COL3A1: variants seen among roughly 807,000 people sequenced by gnomAD.
COL3A1 encodes collagen type III alpha 1 chain.
Under a neutral mutation model 200.9 loss-of-function variants are expected in COL3A1, and 46 were observed. That is an observed-to-expected ratio of 0.23 (90% CI 0.18 to 0.29). The LOEUF is 0.29. Among genes scored for constraint, COL3A1 ranks in the 10% least tolerant of loss-of-function variants. The pLI is 1.00. For missense variants in COL3A1, 1,367 were observed against 1,917.6 expected (o/e 0.71, Z 5.36); for synonymous variants, 650 against 628.0 (o/e 1.03, Z -0.52).
chr2:188,980,943 C>G (rs549137992), intron 1 of COL3A1, among the ~76,000 whole-genome samples: 16 of 151,280 alleles, frequency 1.1e-4, no homozygotes, highest in Non-Finnish European at 2.2e-4. Context: ...TCAGATTATA[C>G]AACATCTTTT....
At chr2:188,996,073 A>G in intron 22 of COL3A1, 52 bp from the exon 23 acceptor site, 1 of 1,533,162 alleles carries the variant, frequency 6.5e-7, no homozygotes, top group Non-Finnish European at 9.0e-7. Context: ...GTATGTAGTA[A>G]TTTTTTATTA....
intron 10 of COL3A1, among the ~76,000 whole-genome samples, chr2:188,990,753 C>T (rs1488824842): frequency 6.6e-6 from 1 of 152,102 alleles, no homozygotes; most frequent in Non-Finnish European, 1.5e-5. Flanking sequence ...ATCTATGAAA[C>T]TCATGTTTGC....
Position 188,999,880 on chromosome 2 carries a change from G to A in COL3A1, c.2268G>A (p.Gly756=), listed in dbSNP as rs773496806. The change falls in exon 32 of 51, where the codon GGG becomes GGA. Residue 756 remains glycine (G), a synonymous_variant. Coordinates refer to ENST00000304636, the MANE Select transcript of COL3A1 (RefSeq NM_000090.4). ...PGGPGADGVP[G]KDGPRGPTGP... is the part of the protein sequence containing the mutation. ...GTCCAGGTGCTGATGGTGTCCCAGGGAAAGATGGCCCAAGGGTGAGTATTC... is the reference window on the plus strand; with the variant it reads ...GTCCAGGTGCTGATGGTGTCCCAGGAAAAGATGGCCCAAGGGTGAGTATTC... The A allele has an allele frequency of 6.3e-7, 1 of 1,593,068 alleles. No individual in the cohort carries two copies. The highest frequency in any genetic ancestry group is 8.5e-7 in the Non-Finnish European group (1 of 1,170,826).
intron 12 of COL3A1, 21 bp downstream of exon 12, chr2:188,991,552 T>C: frequency 3.7e-6 from 6 of 1,612,030 alleles, no homozygotes; most frequent in Non-Finnish European, 5.1e-6. Flanking sequence ...TTCTTATGTA[T>C]AATTTTCAGT....
chr2:189,001,195 G>T (rs1291917559), intron 32 of COL3A1, among the ~76,000 whole-genome samples: 4 of 152,050 alleles, frequency 2.6e-5, no homozygotes. Context: ...TTCTCCCAGA[G>T]TTATCCCCAA....
intron 1 of COL3A1, among the ~76,000 whole-genome samples, chr2:188,980,570 G>T (rs1687931675): frequency 6.8e-6 from 1 of 147,382 alleles, no homozygotes; most frequent in African/African-American, 2.5e-5. Context: ...ATCTACAAAT[G>T]ATAATTTATC....
At chr2:188,990,644 A>C (rs1348651186) in intron 10 of COL3A1, among the ~76,000 whole-genome samples, 1 of 152,192 alleles carries the variant, frequency 6.6e-6, no homozygotes, top group African/African-American at 2.4e-5. Flanking sequence ...TATTGACTTA[A>C]TATGATTTAT....
intron 50 of COL3A1, 80 bp from the exon 51 acceptor site, chr2:189,011,548 G>T: frequency 6.5e-7 from 1 of 1,540,592 alleles, no homozygotes; most frequent in Non-Finnish European, 9.0e-7. Context: ...AGAGTAAAAA[G>T]GTTTTCTTTA....
Position 188,988,592 on chromosome 2 carries a change from A to G in COL3A1, c.585A>G (p.Gly195=). The G allele has an allele frequency of 6.3e-7, 1 of 1,599,382 alleles. No homozygotes were observed. Among genetic ancestry groups the G allele is most frequent in the Admixed American group, 1.7e-5 (1 of 59,732 alleles). The part of the protein sequence containing the change: ...PGTSGHPGSP[G]SPGYQGPPGE... ...TATTTACATATTCTACTCACTAGGG[A>G]TCTCCAGGATACCAAGGACCCCCTG... The change falls in exon 7 of 51, where the codon GGA becomes GGG. Residue 195 remains glycine (G), a splice_region_variant and synonymous_variant. Transcript: ENST00000304636.
chr2:188,992,176 C>G lies in COL3A1; in HGVS notation c.952-8C>G, dbSNP rs1688203259. 1 of 1,613,836 alleles carries G rather than the reference C, an allele frequency of 6.2e-7. No homozygotes were observed. Among genetic ancestry groups the G allele is most frequent in the Non-Finnish European group, 8.5e-7 (1 of 1,179,888 alleles). ...AAAAGGATATTTGATGTAAACTTCT[C>G]TTTTTAGGGTGCTCGGGGTAATGAC... On this transcript the variant is annotated splice_polypyrimidine_tract_variant and splice_region_variant and intron_variant, in intron 13 of 50. Coordinates refer to ENST00000304636, the MANE Select transcript of COL3A1 (RefSeq NM_000090.4).
chr2:188,985,373 CA>C (rs1268678100), intron 3 of COL3A1, 126 bp downstream of exon 3: 5 of 797,178 alleles, frequency 6.3e-6, no homozygotes, highest in Non-Finnish European at 8.6e-6. Flanking sequence ...ATAATGGCAC[CA>C]AACAACAGAC....
chr2:189,007,811 A>T (rs1022397502), intron 45 of COL3A1, 74 bp from the exon 46 acceptor site: 12 of 1,542,778 alleles, frequency 7.8e-6, no homozygotes, highest in Non-Finnish European at 1.1e-5. Flanking sequence ...ATGTTTCTTG[A>T]TCTGATCTTG....
intron 28 of COL3A1, 60 bp from the exon 29 acceptor site, chr2:188,998,614 C>T (rs1474426916): frequency 6.6e-7 from 1 of 1,507,606 alleles, no homozygotes; most frequent in Non-Finnish European, 9.2e-7. Flanking sequence ...TACATATTTG[C>T]TTATATTTAC....
chr2:188,991,393 GC>G, intron 11 of COL3A1, 93 bp from the exon 12 acceptor site: 1 of 770,146 alleles, frequency 1.3e-6, no homozygotes, highest in Non-Finnish European at 2.0e-6. Context: ...CTTTTTCTAG[GC>G]TCTATAAACT....
chr2:188,994,698 A>G lies in COL3A1; in HGVS notation c.1348-26A>G, dbSNP rs1559056401. On this transcript the variant is annotated intron_variant, in intron 19 of 50. Transcript: ENST00000304636. The surrounding 1 kb of genome is among the most constrained non-coding windows in gnomAD (Gnocchi z 4.5). ...AACTAAATTCAGTCATAATTTCTTT[A>G]TTTTACCATCTTTTTTTTTTTTCAG... 1 of 1,609,600 alleles carries G rather than the reference A, an allele frequency of 6.2e-7. No homozygotes were observed. Among genetic ancestry groups the G allele is most frequent in the African/African-American group, 1.3e-5 (1 of 74,514 alleles).
intron 41 of COL3A1, 116 bp downstream of exon 41, chr2:189,005,573 C>A: frequency 1.2e-6 from 1 of 813,968 alleles, no homozygotes; most frequent in Non-Finnish European, 2.1e-6. Context: ...CAAAGTTCTT[C>A]TATCTCTAAT....
Position 189,003,735 on chromosome 2 carries a change from G to A in COL3A1, c.2609G>A (p.Gly870Asp), listed in dbSNP as rs763816941. 1 of 1,613,882 alleles carries A rather than the reference G, an allele frequency of 6.2e-7. No homozygotes were observed. The highest frequency in any genetic ancestry group is 1.3e-5 in the African/African-American group (1 of 74,866). The change falls in exon 38 of 51, where the codon GGT (glycine) becomes GAT (aspartate). Residue 870 changes from glycine to aspartate, a missense_variant and splice_region_variant. Physicochemically the swap from Gly to Asp is moderately conservative, Grantham distance 94 (BLOSUM62 -1). Around this residue, in one of 5 missense-constraint regions of COL3A1, gnomAD observed 846 missense variants for 1,147.9 expected, o/e 0.74. Coordinates refer to ENST00000304636, the MANE Select transcript of COL3A1 (RefSeq NM_000090.4). ...KGERGSPGGPGAAGFPGARGL... is the reference protein window; with the variant it reads ...KGERGSPGGPDAAGFPGARGL... ...CAAAAATATATTACCATTTCACAGG[G>A]TGCTGCTGGCTTCCCTGGTGCTCGT...
In COL3A1 at chr2:189,011,874, A is replaced by G. The variant is rs1688737652; in HGVS notation, c.*100A>G. 4.5e-6 allele frequency: 6 copies of G among 1,333,600 alleles called. No individual in the cohort carries two copies. The South Asian group carries it at 7.4e-5, about 16-fold the overall frequency. 82.6% of individuals were successfully genotyped at this position (1,333,600 alleles called of 1,614,324 possible). On this transcript the variant is annotated 3_prime_UTR_variant, in exon 51 of 51. Transcript: ENST00000304636. ...CAGTGCAAGTGACCGACAAAATTCC[A>G]GTTATTTATTTCCAAAATGTTTGGA...
rs1688037412 is a variant in COL3A1 at position 188,985,126 on chromosome 2, T to C, written c.283-71T>C. 38 of 1,494,370 alleles carry C rather than the reference T, an allele frequency of 2.5e-5. No individual in the cohort carries two copies. In the South Asian group the frequency reaches 4.1e-4, roughly 16 times the overall value. 92.6% of individuals were successfully genotyped at this position (1,494,370 alleles called of 1,614,324 possible). A position where few individuals can be genotyped will look rare whatever the true frequency, so the allele number is the denominator to read the frequency against. On this transcript the variant is annotated intron_variant, in intron 2 of 50. Coordinates refer to ENST00000304636, the MANE Select transcript of COL3A1 (RefSeq NM_000090.4). ...GTTTCAATTTAAAGATAAGGATTGG[T>C]TAGAATCTGGGTTACTAAATAATAT...
Sources: gnomAD v4.1 joint callset for allele counts (sites outside exome capture counted in the v4.1 genomes callset) on GRCh38, gnomAD v4.1.1 for gene constraint, gnomAD v4.1.1 regional missense constraint, Gnocchi (gnomAD v3.1) non-coding constraint, MANE v1.5 for transcripts, NCBI Gene and HGNC (gene_info 2026-07-23, HGNC 2026-07-21) for gene names.